Variants in ESR2 observed in about 807,000 individuals in gnomAD.
The protein encoded by ESR2 is estrogen receptor 2, also known as estrogen receptor beta.
ESR2 carries 36 observed loss-of-function variants against 49.6 expected under a neutral mutation model. The observed-to-expected ratio is 0.73, with a 90% CI of 0.56 to 0.96. The LOEUF (loss-of-function observed/expected upper bound fraction) is 0.96. Among genes scored for constraint, ESR2 ranks in the 40% least tolerant of loss-of-function variants. The pLI is 0.00. For synonymous variants in ESR2, 320 were observed against 266.1 expected, an observed-to-expected ratio of 1.20 and a Z score of -1.97; for missense variants, 714 against 693.0, an observed-to-expected ratio of 1.03 and a Z score of -0.34.
intron 7 of ESR2, among the ~76,000 whole-genome samples, chr14:64,247,320 A>C (rs2075882416): frequency 7.7e-6 from 1 of 129,242 alleles, no homozygotes; most frequent in Non-Finnish European, 1.6e-5. Flanking sequence ...CAACAGAGTG[A>C]GGCTCTGTCT....
chr14:64,301,157 T>C (rs1351519179), intron 1 of ESR2, among the ~76,000 whole-genome samples: 1 of 152,172 alleles, frequency 6.6e-6, no homozygotes, highest in Non-Finnish European at 1.5e-5. Flanking sequence ...AAGCCCATTC[T>C]CTCTGAACTG....
intron 4 of ESR2, among the ~76,000 whole-genome samples, chr14:64,268,479 C>T (rs992818214): frequency 2.0e-5 from 3 of 152,220 alleles, no homozygotes; most frequent in Non-Finnish European, 2.9e-5. Flanking sequence ...CCACCCAGCC[C>T]TGTTTGAGGA....
chr14:64,335,665 T>C (rs2077520664), intron 1 of ESR2, among the ~76,000 whole-genome samples: 1 of 152,150 alleles, frequency 6.6e-6, no homozygotes, highest in Non-Finnish European at 1.5e-5. Flanking sequence ...ATATGAAAGT[T>C]CAGGGGACAC....
At chr14:64,261,232 C>CTTTCTTTTTTTTTTT (rs1555577156) in intron 4 of ESR2, among the ~76,000 whole-genome samples, 1 of 88,682 alleles carries the variant, frequency 1.1e-5, no homozygotes, top group African/African-American at 4.7e-5. Flanking sequence ...TTTTATTTTT[C>CTTTCTTTTTTTTTTT]TTTTTTCTTT....
chr14:64,298,031 G>A (rs937003613), upstream of ESR2, among the ~76,000 whole-genome samples: 2 of 152,076 alleles, frequency 1.3e-5, no homozygotes, highest in African/African-American at 4.8e-5. Flanking sequence ...TTTTTTGGTG[G>A]TGATGAATGA....
At chr14:64,285,720 C>G (rs1339055140) in intron 1 of ESR2, among the ~76,000 whole-genome samples, 1 of 150,540 alleles carries the variant, frequency 6.6e-6, no homozygotes, top group Admixed American at 6.7e-5. Flanking sequence ...CCCAGCTACT[C>G]GAGAGGCTAA....
intron 1 of ESR2, among the ~76,000 whole-genome samples, chr14:64,322,029 T>C (rs992006186): frequency 6.6e-6 from 1 of 152,074 alleles, no homozygotes; most frequent in South Asian, 2.1e-4. Flanking sequence ...CCTGCACATG[T>C]ACCCCTTAAT....
intron 5 of ESR2, among the ~76,000 whole-genome samples, chr14:64,257,898 G>T (rs1322721023): frequency 1.3e-5 from 2 of 152,164 alleles, no homozygotes; most frequent in African/African-American, 4.8e-5. Flanking sequence ...TCCTTCTTCT[G>T]GGTAGAAGCA....
chr14:64,267,326 A>T (rs1201574678), intron 4 of ESR2, among the ~76,000 whole-genome samples: 2 of 152,028 alleles, frequency 1.3e-5, no homozygotes, highest in East Asian at 3.9e-4. Context: ...GACAAGGATA[A>T]TGTGAAGCGG....
chr14:64,291,615 C>T (rs1459993981), intron 1 of ESR2, among the ~76,000 whole-genome samples: 1 of 152,118 alleles, frequency 6.6e-6, no homozygotes, highest in Non-Finnish European at 1.5e-5. Flanking sequence ...CTGTGTTAAA[C>T]AGTGAAAAAT....
chr14:64,252,155 AAAT>A (rs1417477651), intron 6 of ESR2, among the ~76,000 whole-genome samples: 1 of 152,014 alleles, frequency 6.6e-6, no homozygotes, highest in African/African-American at 2.4e-5. Flanking sequence ...TGTCTCTACA[AAAT>A]AATAATAAAC....
chr14:64,263,173 T>C (rs189292509), intron 4 of ESR2, among the ~76,000 whole-genome samples: 19 of 152,290 alleles, frequency 1.2e-4, no homozygotes, highest in Non-Finnish European at 2.4e-4. Context: ...GTGTAAGAGA[T>C]ATACCTAACA....
At chr14:64,327,786 T>A (rs905412998) in intron 1 of ESR2, among the ~76,000 whole-genome samples, 5 of 151,224 alleles carry the variant, frequency 3.3e-5, no homozygotes, top group African/African-American at 9.7e-5. Context: ...GGAGAGTCAC[T>A]TGAACCCAGG....
At chr14:64,285,013 C>G (rs1197329587) in intron 1 of ESR2, among the ~76,000 whole-genome samples, 2 of 152,034 alleles carry the variant, frequency 1.3e-5, no homozygotes, top group African/African-American at 4.8e-5. Context: ...CCACGCCCAG[C>G]TAACTTTTTG....
intron 1 of ESR2, among the ~76,000 whole-genome samples, chr14:64,320,010 G>A (rs1265003623): frequency 1.3e-5 from 2 of 152,022 alleles, no homozygotes; most frequent in African/African-American, 4.8e-5. Context: ...ATTTATAATT[G>A]TCAAAAATTG....
At chr14:64,269,487 C>T (rs917072675) in intron 3 of ESR2, among the ~76,000 whole-genome samples, 14 of 152,190 alleles carry the variant, frequency 9.2e-5, no homozygotes, top group Admixed American at 7.2e-4. Context: ...TACTAGAGTG[C>T]GCAGAGAGCA....
chr14:64,308,456 G>A (rs2077140049), intron 1 of ESR2, among the ~76,000 whole-genome samples: 1 of 152,044 alleles, frequency 6.6e-6, no homozygotes, highest in South Asian at 2.1e-4. Context: ...ACTAATGTGT[G>A]ATATAGAAGT....
At chr14:64,332,937 C>T (rs1309167706) in intron 1 of ESR2, among the ~76,000 whole-genome samples, 5 of 141,826 alleles carry the variant, frequency 3.5e-5, no homozygotes, top group Admixed American at 7.2e-5. Context: ...AGGGCAGTGG[C>T]GCGATCTCAG....
intron 4 of ESR2, among the ~76,000 whole-genome samples, chr14:64,263,500 T>C (rs1214548714): frequency 6.6e-6 from 1 of 151,718 alleles, no homozygotes; most frequent in Non-Finnish European, 1.5e-5. Context: ...CTACTACAAA[T>C]ACAAAAATTA....
Sources: allele counts gnomAD v4.1 joint callset (sites outside exome capture counted in the v4.1 genomes callset), GRCh38; gene constraint gnomAD v4.1.1; transcripts MANE v1.5; gene names NCBI Gene and HGNC (gene_info 2026-07-23, HGNC 2026-07-21).